The following BCAS3 variants were observed in gnomAD, a reference collection of about 807,000 sequenced individuals.
BCAS3 encodes the protein BCAS4/BCAS3 fusion.
Under a neutral mutation model 116.1 loss-of-function variants are expected in BCAS3, and 53 were observed. That is an observed-to-expected ratio of 0.46 (90% CI 0.37 to 0.57). The LOEUF (loss-of-function observed/expected upper bound fraction) is 0.57, where lower values mean the gene tolerates loss of function less well. Ranked by LOEUF, BCAS3 falls within the 20% of genes least tolerant of loss-of-function variation. The pLI, the probability that BCAS3 is intolerant of heterozygous loss-of-function variation, is 0.00. For synonymous variants in BCAS3, 391 were observed against 408.2 expected, an observed-to-expected ratio of 0.96 and a Z score of 0.51; for missense variants, 917 against 1,165.4, an observed-to-expected ratio of 0.79 and a Z score of 3.10.
At chr17:60,846,173 T>G (rs2052515790) in intron 7 of BCAS3, among the ~76,000 whole-genome samples, 1 of 152,180 alleles carries the variant, frequency 6.6e-6, no homozygotes, top group Non-Finnish European at 1.5e-5. Flanking sequence ...CAAGTGATCC[T>G]CCTGCCTTGA....
In BCAS3 at chr17:61,368,393, G is replaced by T; in HGVS notation, c.2492G>T (p.Arg831Leu). The T allele has an allele frequency of 6.2e-7, 1 of 1,612,918 alleles. No individual in the cohort carries two copies. The highest frequency in any genetic ancestry group is 8.5e-7 in the Non-Finnish European group (1 of 1,178,988). Residue 831 changes from arginine (R) to leucine (L), a missense_variant, in exon 23 of 24, where the codon CGG (arginine) becomes CTG (leucine). By Grantham distance (102) the Arg-to-Leu change is moderately radical (BLOSUM62 -2). Around this residue, in one of 3 missense-constraint regions of BCAS3, gnomAD observed 109 missense variants for 122.8 expected, o/e 0.89. Transcript: ENST00000407086. This position sits in a 1 kb window ranked among gnomAD's most constrained non-coding sequence, Gnocchi z 6.0. ...AGCTGGCCTGAGGGCTTCGGGCTGCGGCACATGTCCTCCATGGAGCACACG... is the reference window on the plus strand; with the variant it reads ...AGCTGGCCTGAGGGCTTCGGGCTGCTGCACATGTCCTCCATGGAGCACACG... ...CGSWPEGFGL[R>L]HMSSMEHTEE...
At chr17:60,766,952 G>C (rs930182090) in intron 6 of BCAS3, among the ~76,000 whole-genome samples, 1 of 152,196 alleles carries the variant, frequency 6.6e-6, no homozygotes, top group African/African-American at 2.4e-5. Flanking sequence ...GTTTGATCTC[G>C]GACTGCTGCT....
At chr17:61,117,304 C>G (rs1321424669) in intron 22 of BCAS3, among the ~76,000 whole-genome samples, 1 of 152,084 alleles carries the variant, frequency 6.6e-6, no homozygotes, top group Non-Finnish European at 1.5e-5. Context: ...CTAAAATTTT[C>G]TTTTGAGGCC....
rs1600308453 is a variant in BCAS3, at chr17:60,995,497, A to G, written c.1486+5262A>G. Among the ~76,000 whole-genome samples, 1 of 149,866 alleles carries G rather than the reference A, an allele frequency of 6.7e-6. No homozygotes were observed. The highest frequency in any genetic ancestry group is 1.5e-5 in the Non-Finnish European group (1 of 67,456). ...ATTTTAAGTAGAGACTGGGTTTCAC[A>G]ATGTTGGCCAGGCTGGTCTCAAACT... On this transcript the variant is annotated intron_variant, in intron 15 of 23. Coordinates refer to ENST00000407086, the MANE Select transcript of BCAS3 (RefSeq NM_017679.5). The surrounding 1 kb of genome is among the most constrained non-coding windows in gnomAD (Gnocchi z 4.7).
rs553869668 is a variant in BCAS3, at chr17:61,250,914, T to G, written c.2426-117413T>G. On this transcript the variant is annotated intron_variant, in intron 22 of 23. Coordinates refer to ENST00000407086, the MANE Select transcript of BCAS3 (RefSeq NM_017679.5). ...TACATTAGACAATCTCAGAAAGGTT[T>G]TATGACTTGTGGGTGCCTTTGTGGT... 5.9e-5 allele frequency among the ~76,000 whole-genome samples: 9 copies of G among 152,314 alleles called. No individual in the cohort carries two copies. In the South Asian group the frequency reaches 6.2e-4, roughly 11 times the overall value.
At chr17:60,683,773 A>G (rs999317836) in intron 2 of BCAS3, among the ~76,000 whole-genome samples, 2 of 151,872 alleles carry the variant, frequency 1.3e-5, no homozygotes, top group Admixed American at 1.3e-4. Context: ...TCGAGGGAGC[A>G]GTGAGCCGAG....
At chr17:60,845,513 G>T (rs2052433040) in intron 7 of BCAS3, among the ~76,000 whole-genome samples, 1 of 152,154 alleles carries the variant, frequency 6.6e-6, no homozygotes, top group Non-Finnish European at 1.5e-5. Context: ...ATTACACTCT[G>T]TTTCCAAACA....
chr17:61,376,194 A>G lies in BCAS3; in HGVS notation c.2593+7700A>G, dbSNP rs1160598869. Reference sequence around the variant, plus strand: ...TTTACATGTGTTATGTGGGCCTCTCAGGTCCCTTTCCCAAACCTGAGATTC... The same window carrying G: ...TTTACATGTGTTATGTGGGCCTCTCGGGTCCCTTTCCCAAACCTGAGATTC... On this transcript the variant is annotated intron_variant, in intron 23 of 23. Coordinates refer to ENST00000407086, the MANE Select transcript of BCAS3 (RefSeq NM_017679.5). This position sits in a 1 kb window ranked among gnomAD's most constrained non-coding sequence, Gnocchi z 4.5. Among the ~76,000 whole-genome samples, 1 of 152,208 alleles carries G rather than the reference A, an allele frequency of 6.6e-6. No individual in the cohort carries two copies. The highest frequency in any genetic ancestry group is 2.1e-4 in the South Asian group (1 of 4,832).
intron 22 of BCAS3, among the ~76,000 whole-genome samples, chr17:61,172,774 C>T (rs561457183): frequency 1.3e-5 from 2 of 151,782 alleles, no homozygotes; most frequent in Non-Finnish European, 2.9e-5. Context: ...TCACGAGGTC[C>T]GGAGATCGAG....
intron 6 of BCAS3, among the ~76,000 whole-genome samples, chr17:60,793,609 G>A (rs879316588): frequency 6.6e-6 from 1 of 151,842 alleles, no homozygotes; most frequent in African/African-American, 2.4e-5. Flanking sequence ...ATGACTTTGC[G>A]TCCTCATAGC....
intron 7 of BCAS3, among the ~76,000 whole-genome samples, chr17:60,812,650 A>G (rs1243838985): frequency 2.0e-5 from 3 of 152,154 alleles, no homozygotes; most frequent in African/African-American, 7.2e-5. Context: ...TAGGAACTTG[A>G]GTGCTATCAA....
intron 3 of BCAS3, among the ~76,000 whole-genome samples, chr17:60,687,627 A>C (rs144697984): frequency 3.9e-5 from 6 of 152,204 alleles, no homozygotes; most frequent in African/African-American, 7.2e-5. Context: ...ACAGAAACCC[A>C]AAAACAACTT....
rs1601253727 is a variant in BCAS3, at chr17:61,103,403, A to G, written c.2425+18839A>G. ...TGACATTTTTACTCTAACTCCAGGAACTCCTACTGACCTGAAATTAACCAG... is the reference window on the plus strand; with the variant it reads ...TGACATTTTTACTCTAACTCCAGGAGCTCCTACTGACCTGAAATTAACCAG... On this transcript the variant is annotated intron_variant, in intron 22 of 23. Transcript: ENST00000407086. 5.3e-5 allele frequency among the ~76,000 whole-genome samples: 8 copies of G among 151,998 alleles called. No individual in the cohort carries two copies. The South Asian group carries it at 1.7e-3, about 32-fold the overall frequency.
At chr17:61,257,882 T>G (rs2048911535) in intron 22 of BCAS3, among the ~76,000 whole-genome samples, 1 of 152,280 alleles carries the variant, frequency 6.6e-6, no homozygotes, top group Admixed American at 6.5e-5. Context: ...AAACAGACAT[T>G]TCCCTTCCCA....
intron 7 of BCAS3, among the ~76,000 whole-genome samples, chr17:60,864,550 T>C (rs1035743765): frequency 1.3e-5 from 2 of 152,268 alleles, no homozygotes; most frequent in African/African-American, 4.8e-5. Flanking sequence ...TAAGGGAATG[T>C]TGTGTTTAGT....
At chr17:60,699,486 G>A (rs1377467661) in intron 4 of BCAS3, among the ~76,000 whole-genome samples, 1 of 152,186 alleles carries the variant, frequency 6.6e-6, no homozygotes, top group Non-Finnish European at 1.5e-5. Flanking sequence ...CTCCCAAAGT[G>A]TTGGGATTAC....
chr17:60,845,797 T>TTCTC (rs1210163979), intron 7 of BCAS3, among the ~76,000 whole-genome samples: 1 of 149,224 alleles, frequency 6.7e-6, no homozygotes, highest in Non-Finnish European at 1.5e-5. Flanking sequence ...TTTTTTTTTT[T>TTCTC]TCTCTCTCTC....
intron 19 of BCAS3, among the ~76,000 whole-genome samples, chr17:61,052,627 G>A (rs905600687): frequency 2.0e-5 from 3 of 151,828 alleles, no homozygotes; most frequent in Non-Finnish European, 2.9e-5. Flanking sequence ...ACCTGACTTC[G>A]AAGTAGTTGT....
rs541380626 is a variant in BCAS3, at chr17:61,059,836, G to T, written c.2030-15084G>T. Among the ~76,000 whole-genome samples the T allele has an allele frequency of 2.0e-5, 3 of 152,196 alleles. No homozygotes were observed. In the East Asian group the frequency reaches 5.8e-4, roughly 30 times the overall value. On this transcript the variant is annotated intron_variant, in intron 19 of 23. Transcript: ENST00000407086. Reference sequence around the variant, plus strand: ...AGTCCAGGAGTTCTAGACCAGCCTGGCCAACATGGTGAAACCCTGTCTCTA... The same window carrying T: ...AGTCCAGGAGTTCTAGACCAGCCTGTCCAACATGGTGAAACCCTGTCTCTA...
Sources: gnomAD v4.1 joint callset for allele counts (sites outside exome capture counted in the v4.1 genomes callset) on GRCh38, gnomAD v4.1.1 for gene constraint, gnomAD v4.1.1 regional missense constraint, Gnocchi (gnomAD v3.1) non-coding constraint, MANE v1.5 for transcripts, NCBI Gene and HGNC (gene_info 2026-07-23, HGNC 2026-07-21) for gene names.